Variants in GAD1 observed in about 807,000 individuals in gnomAD.
GAD1 encodes 67 kDa glutamic acid decarboxylase.
In GAD1, 35 loss-of-function variants were observed where a neutral mutation model predicts 75.2. That is an observed-to-expected ratio of 0.47 (90% CI 0.36 to 0.62). GAD1 has a LOEUF of 0.62. GAD1 is among the 20% of genes least tolerant of loss of function. The pLI, the probability that GAD1 is intolerant of heterozygous loss-of-function variation, is 0.00. For missense variants in GAD1, 490 were observed against 758.5 expected (o/e 0.65, Z 4.16); for synonymous variants, 257 against 271.9 (o/e 0.95, Z 0.54).
At chr2:170,821,008 A>G (rs1284868536) in intron 2 of GAD1, among the ~76,000 whole-genome samples, 1 of 152,180 alleles carries the variant, frequency 6.6e-6, no homozygotes, top group African/African-American at 2.4e-5. Flanking sequence ...TCCATCTGTG[A>G]CATGTCTTAC....
At chr2:170,849,858 A>G (rs747970782) in intron 12 of GAD1, among the ~76,000 whole-genome samples, 2 of 152,254 alleles carry the variant, frequency 1.3e-5, no homozygotes, top group Non-Finnish European at 2.9e-5. Flanking sequence ...AGGAAGGGCC[A>G]CTGGTTCACT....
At chr2:170,823,003 A>G (rs1701930569) in intron 3 of GAD1, among the ~76,000 whole-genome samples, 1 of 152,232 alleles carries the variant, frequency 6.6e-6, no homozygotes, top group Non-Finnish European at 1.5e-5. Flanking sequence ...TAAAGGAAAA[A>G]GGGAGATTTG....
rs1049731 is a variant in GAD1 at position 170,818,640 on chromosome 2, G to A, written c.49G>A (p.Ala17Thr). The change falls in exon 2 of 17, where the codon GCG (alanine) becomes ACG (threonine). Residue 17 changes from alanine (A) to threonine (T), a missense_variant. By Grantham distance (58) the Ala-to-Thr change is moderately conservative (BLOSUM62 0). Around this residue, in one of 3 missense-constraint regions of GAD1, gnomAD observed 165 missense variants for 216.4 expected, o/e 0.76. Transcript: ENST00000358196. This position sits in a 1 kb window ranked among gnomAD's most constrained non-coding sequence, Gnocchi z 5.9. ...GTCCGCAACCTCCTCGAACGCGGGAGCGGACCCCAATACCACTAACCTGCG... is the reference window on the plus strand; with the variant it reads ...GTCCGCAACCTCCTCGAACGCGGGAACGGACCCCAATACCACTAACCTGCG... ...SSSATSSNAG[A>T]DPNTTNLRPT... 6.2e-7 allele frequency: 1 copy of A among 1,614,022 alleles called. No homozygotes were observed. Among genetic ancestry groups the A allele is most frequent in the Non-Finnish European group, 8.5e-7 (1 of 1,180,036 alleles).
chr2:170,821,045 C>A (rs1701862742), intron 2 of GAD1, among the ~76,000 whole-genome samples: 1 of 152,232 alleles, frequency 6.6e-6, no homozygotes, highest in Non-Finnish European at 1.5e-5. Context: ...CTTCTCCCCG[C>A]TGGGGCTCTG....
intron 2 of GAD1, among the ~76,000 whole-genome samples, chr2:170,820,866 A>G (rs985385052): frequency 6.6e-6 from 1 of 152,210 alleles, no homozygotes; most frequent in African/African-American, 2.4e-5. Flanking sequence ...TGCCAGTTTC[A>G]TAGGACTGTT....
intron 5 of GAD1, among the ~76,000 whole-genome samples, chr2:170,834,586 A>G (rs1404844060): frequency 6.6e-6 from 1 of 152,214 alleles, no homozygotes; most frequent in East Asian, 1.9e-4. Flanking sequence ...TTCTTTTTAA[A>G]ACTTTTTCTT....
intron 6 of GAD1, among the ~76,000 whole-genome samples, chr2:170,843,183 G>A (rs1202937492): frequency 5.3e-5 from 8 of 152,172 alleles, no homozygotes; most frequent in Non-Finnish European, 8.8e-5. Flanking sequence ...TAGGCCCCAC[G>A]TTTGGTCTCA....
At position 170,844,349 on chromosome 2, in the gene GAD1, T is replaced by TA. The variant is rs560802377; in HGVS notation, c.751+197dup. Among the ~76,000 whole-genome samples the TA allele has an allele frequency of 1.6e-3, 248 of 152,096 alleles. 1 individual carries two copies. The highest frequency in any genetic ancestry group is 2.9e-3 in the Non-Finnish European group (199 of 68,002). On this transcript the variant is annotated intron_variant, in intron 7 of 16. Transcript: ENST00000358196. ...CTAACAAAGGCTATGCTTAAATCTGTAAAAACTGACAAAGGCTGTGTCTAG... is the reference window on the plus strand; with the variant it reads ...CTAACAAAGGCTATGCTTAAATCTGTAAAAAACTGACAAAGGCTGTGTCTAG...
rs563964332 is a variant in GAD1, at chr2:170,824,782, T to C, written c.145+2633T>C. On this transcript the variant is annotated intron_variant, in intron 3 of 16. Transcript: ENST00000358196. ...CAAGAGCTGGAGAGTGCTGCAGGCA[T>C]GGTGGCATGACCTAAATACGATGAG... 9.2e-5 allele frequency among the ~76,000 whole-genome samples: 14 copies of C among 152,294 alleles called. No individual in the cohort carries two copies. In the South Asian group the frequency reaches 2.9e-3, roughly 32 times the overall value.
At chr2:170,850,982 C>A (rs932359242) in intron 12 of GAD1, among the ~76,000 whole-genome samples, 7 of 151,888 alleles carry the variant, frequency 4.6e-5, no homozygotes, top group Admixed American at 3.9e-4. Flanking sequence ...CCGCTGCACT[C>A]CCGCCTGAGT....
chr2:170,828,154 C>CTCT (rs1702076733), intron 3 of GAD1, among the ~76,000 whole-genome samples: 1 of 137,300 alleles, frequency 7.3e-6, no homozygotes, highest in Admixed American at 7.3e-5. Context: ...CCTCACCCTC[C>CTCT]TCCCTCTGCT....
intron 10 of GAD1, among the ~76,000 whole-genome samples, chr2:170,847,377 C>A (rs1702656054): frequency 6.6e-6 from 1 of 152,046 alleles, no homozygotes; most frequent in South Asian, 2.1e-4. Context: ...TTATCTGTCA[C>A]CTGCCACTAA....
intron 3 of GAD1, 29 bp from the exon 4 acceptor site, chr2:170,829,446 C>T (rs376323331): frequency 1.4e-4 from 219 of 1,611,884 alleles, no homozygotes; most frequent in Non-Finnish European, 1.6e-4. Context: ...GTTTGCAGCA[C>T]TCTCTCTGAC....
intron 3 of GAD1, chr2:170,828,869 G>T (rs760114497): frequency 1.8e-4 from 34 of 187,504 alleles, no homozygotes; most frequent in Non-Finnish European, 3.2e-4. Flanking sequence ...TCCCTCTGCG[G>T]TCCTTGCTCT....
chr2:170,826,006 T>C (rs978268669), intron 3 of GAD1, among the ~76,000 whole-genome samples: 1 of 152,150 alleles, frequency 6.6e-6, no homozygotes, highest in Non-Finnish European at 1.5e-5. Context: ...AGCAGTTCCT[T>C]CCAGGGCCTC....
intron 14 of GAD1, 151 bp downstream of exon 14, chr2:170,854,173 A>G (rs926021450): frequency 2.4e-6 from 2 of 832,726 alleles, no homozygotes; most frequent in Non-Finnish European, 3.9e-6. Context: ...TTGTGAATGA[A>G]ATTACTTTAT....
At chr2:170,822,229 CG>C in intron 3 of GAD1, 80 bp downstream of exon 3, 3 of 1,175,292 alleles carry the variant, frequency 2.6e-6, no homozygotes. Flanking sequence ...GGGACGCAAG[CG>C]GAGGGGGATC....
upstream of GAD1, among the ~76,000 whole-genome samples, chr2:170,815,197 G>A (rs1701673112): frequency 6.6e-6 from 1 of 152,162 alleles, no homozygotes; most frequent in African/African-American, 2.4e-5. Context: ...TGCCGGTTGA[G>A]TGGTTTGGGG....
At chr2:170,844,980 T>C (rs746862801) in intron 7 of GAD1, among the ~76,000 whole-genome samples, 9 of 152,226 alleles carry the variant, frequency 5.9e-5, no homozygotes, top group Non-Finnish European at 1.0e-4. Flanking sequence ...AGTTTGTTCT[T>C]ATTTTAATAA....
Sources: gnomAD v4.1 joint callset for allele counts (sites outside exome capture counted in the v4.1 genomes callset) on GRCh38, gnomAD v4.1.1 for gene constraint, gnomAD v4.1.1 regional missense constraint, Gnocchi (gnomAD v3.1) non-coding constraint, MANE v1.5 for transcripts, NCBI Gene and HGNC (gene_info 2026-07-23, HGNC 2026-07-21) for gene names.